Variants in CSMD1 observed in about 807,000 individuals in gnomAD.
CSMD1 encodes the protein CUB and sushi domain-containing protein 1.
Under a neutral mutation model 417.5 loss-of-function variants are expected in CSMD1, and 213 were observed. That is an observed-to-expected ratio of 0.51 (90% CI 0.46 to 0.57). The LOEUF is 0.57. Among genes scored for constraint, CSMD1 ranks in the 20% least tolerant of loss-of-function variants. The pLI is 0.00. For missense variants in CSMD1, 6,923 were observed against 4,529.7 expected, an observed-to-expected ratio of 1.53 and a Z score of -15.17; for synonymous variants, 2,862 against 1,736.8, an observed-to-expected ratio of 1.65 and a Z score of -16.11.
At chr8:4,797,235 T>C (rs1198370431) in intron 1 of CSMD1, among the ~76,000 whole-genome samples, 1 of 151,806 alleles carries the variant, frequency 6.6e-6, no homozygotes. Flanking sequence ...GGAGATGAGG[T>C]TTCATCCTTT....
At chr8:4,720,509 C>T (rs1021751345) in intron 1 of CSMD1, among the ~76,000 whole-genome samples, 2 of 152,124 alleles carry the variant, frequency 1.3e-5, no homozygotes, top group African/African-American at 2.4e-5. Flanking sequence ...CCTCTGCCTC[C>T]TGGGTTCAAG....
intron 2 of CSMD1, among the ~76,000 whole-genome samples, chr8:4,482,104 TA>T (rs1801131556): frequency 6.6e-6 from 1 of 152,192 alleles, no homozygotes; most frequent in Non-Finnish European, 1.5e-5. Flanking sequence ...AACTCTCTTT[TA>T]AAAAACTTTT....
intron 4 of CSMD1, among the ~76,000 whole-genome samples, chr8:4,004,018 A>G (rs1815908463): frequency 6.6e-6 from 1 of 152,222 alleles, no homozygotes; most frequent in African/African-American, 2.4e-5. Flanking sequence ...TAAAATTAAA[A>G]TTAATCACCA....
At chr8:4,453,228 C>G (rs964726060) in intron 2 of CSMD1, among the ~76,000 whole-genome samples, 15 of 133,472 alleles carry the variant, frequency 1.1e-4, no homozygotes, top group Admixed American at 4.3e-4. Context: ...CACACACACA[C>G]ACACACACAC....
chr8:4,370,534 T>C (rs1802336127), intron 3 of CSMD1, among the ~76,000 whole-genome samples: 1 of 152,256 alleles, frequency 6.6e-6, no homozygotes, highest in Admixed American at 6.5e-5. Flanking sequence ...CAAATGTGTT[T>C]CTCAAGTTTC....
At chr8:2,963,666 G>C (rs1032979955) in intron 59 of CSMD1, among the ~76,000 whole-genome samples, 2 of 152,020 alleles carry the variant, frequency 1.3e-5, no homozygotes, top group African/African-American at 4.8e-5. Flanking sequence ...ATATATACAA[G>C]GCCAAGAAAG....
intron 2 of CSMD1, among the ~76,000 whole-genome samples, chr8:4,631,399 T>C (rs1301891705): frequency 3.0e-5 from 3 of 100,856 alleles, no homozygotes; most frequent in East Asian, 5.3e-4. Flanking sequence ...CCTTGGTTTG[T>C]TTTTTTTTTT....
intron 7 of CSMD1, among the ~76,000 whole-genome samples, chr8:3,688,698 C>T (rs1800073304): frequency 2.0e-5 from 3 of 152,110 alleles, no homozygotes; most frequent in Admixed American, 2.0e-4. Flanking sequence ...GTAGGGCACT[C>T]TGAATTTCTT....
intron 3 of CSMD1, among the ~76,000 whole-genome samples, chr8:4,295,366 A>G (rs1797617481): frequency 6.9e-6 from 1 of 144,246 alleles, no homozygotes; most frequent in African/African-American, 2.5e-5. Flanking sequence ...TTAAGATTAT[A>G]TATGTATCTT....
chr8:4,033,804 T>A (rs550618200), intron 3 of CSMD1, among the ~76,000 whole-genome samples: 2 of 152,332 alleles, frequency 1.3e-5, no homozygotes, highest in East Asian at 3.9e-4. Context: ...TCTATCTAAA[T>A]CAATTGACTT....
chr8:3,874,024 A>G (rs1180989156), intron 5 of CSMD1, among the ~76,000 whole-genome samples: 10 of 152,208 alleles, frequency 6.6e-5, no homozygotes, highest in African/African-American at 2.4e-4. Context: ...CTTCTCTGTC[A>G]AATTAGCATC....
intron 1 of CSMD1, among the ~76,000 whole-genome samples, chr8:4,846,426 G>C (rs911488763): frequency 3.9e-5 from 6 of 152,288 alleles, no homozygotes; most frequent in Non-Finnish European, 7.4e-5. Context: ...GCCCCAGCCA[G>C]GCTTGTCCTT....
At chr8:3,305,176 T>C (rs1372092705) in intron 25 of CSMD1, among the ~76,000 whole-genome samples, 1 of 152,210 alleles carries the variant, frequency 6.6e-6, no homozygotes, top group African/African-American at 2.4e-5. Context: ...TGAGCCGCTA[T>C]GCCTGGCCTA....
intron 2 of CSMD1, among the ~76,000 whole-genome samples, chr8:4,632,094 C>G (rs1802551924): frequency 6.6e-6 from 1 of 152,210 alleles, no homozygotes; most frequent in African/African-American, 2.4e-5. Flanking sequence ...TACCAATTAT[C>G]AGTCACCACA....
At chr8:4,815,733 C>T (rs561062170) in intron 1 of CSMD1, among the ~76,000 whole-genome samples, 5 of 139,950 alleles carry the variant, frequency 3.6e-5, no homozygotes, top group African/African-American at 7.9e-5. Flanking sequence ...AGAAAGGAAA[C>T]CTTTAAATCT....
intron 3 of CSMD1, among the ~76,000 whole-genome samples, chr8:4,393,182 C>T (rs912982205): frequency 6.6e-6 from 1 of 151,932 alleles, no homozygotes; most frequent in Non-Finnish European, 1.5e-5. Flanking sequence ...CACCATGTTG[C>T]CCAGGATGGT....
At chr8:3,626,356 C>A (rs1041278454) in intron 7 of CSMD1, among the ~76,000 whole-genome samples, 16 of 152,268 alleles carry the variant, frequency 1.1e-4, no homozygotes, top group African/African-American at 3.1e-4. Context: ...CCCAATTATT[C>A]ATGGTCTCCT....
At chr8:3,297,243 GT>G (rs1239288372) in intron 25 of CSMD1, among the ~76,000 whole-genome samples, 2 of 152,132 alleles carry the variant, frequency 1.3e-5, no homozygotes, top group African/African-American at 4.8e-5. Context: ...AAAGATGTCA[GT>G]TTTCCCCAGA....
At chr8:4,771,818 C>G (rs1293673418) in intron 1 of CSMD1, among the ~76,000 whole-genome samples, 2 of 152,140 alleles carry the variant, frequency 1.3e-5, no homozygotes, top group African/African-American at 4.8e-5. Context: ...GTTTTTATTT[C>G]CATCAACGAT....
Sources: allele counts gnomAD v4.1 joint callset (sites outside exome capture counted in the v4.1 genomes callset), GRCh38; gene constraint gnomAD v4.1.1; transcripts MANE v1.5; gene names NCBI Gene and HGNC (gene_info 2026-07-23, HGNC 2026-07-21).